The following MXRA5 variants were observed in gnomAD, a reference collection of about 807,000 sequenced individuals.
MXRA5 encodes matrix remodeling associated 5, also known as matrix-remodeling-associated protein 5.
A neutral mutation model predicts 112.5 loss-of-function variants in MXRA5; 41 were observed. The ratio of observed to expected loss-of-function variants is 0.36; its 90% confidence interval spans 0.28 to 0.47. The LOEUF is 0.47. Among genes scored for constraint, MXRA5 ranks in the 20% least tolerant of loss-of-function variants. The pLI is 0.99. For synonymous variants in MXRA5, 862 were observed against 900.8 expected (o/e 0.96, Z 0.77); for missense variants, 2,150 against 2,251.0 (o/e 0.96, Z 0.91).
chrX:3,339,675 C>T (rs545423735), intron 2 of MXRA5, among the ~76,000 whole-genome samples: 2 of 111,611 alleles, frequency 1.8e-5, no homozygotes, highest in East Asian at 5.7e-4. Flanking sequence ...CCCAGGGAAT[C>T]ACTTGAGTAC....
At chrX:3,341,773 C>G (rs1021217445) in intron 2 of MXRA5, among the ~76,000 whole-genome samples, 13 of 97,625 alleles carry the variant, frequency 1.3e-4, no homozygotes, top group African/African-American at 4.4e-4. Context: ...GATGGTACCC[C>G]CAGCATGGGA....
At chrX:3,314,298 A>G (rs1406078871) in intron 6 of MXRA5, among the ~76,000 whole-genome samples, 2 of 112,298 alleles carry the variant, frequency 1.8e-5, no homozygotes, top group Non-Finnish European at 3.8e-5. Context: ...TGATGGGGCC[A>G]TCCTGTGAAC....
rs768590375 is a variant in MXRA5, at chrX:3,321,244, G to A, written c.4441C>T (p.His1481Tyr). The change falls in exon 5 of 7, where the codon CAC becomes TAC. Residue 1481 changes from histidine to tyrosine, a missense_variant. By Grantham distance (83) the His-to-Tyr change is moderately conservative (BLOSUM62 2). Around this residue, in one of 6 missense-constraint regions of MXRA5, gnomAD observed 1,485 missense variants for 1,471.6 expected, o/e 1.01. Transcript: ENST00000217939. ...ILLSETRPQN[H>Y]TPTAARMKEP... is the part of the protein sequence containing the mutation. ...TTCATCCGGGCAGCAGTAGGGGTGT[G>A]ATTCTGTGGTCTAGTTTCAGAAAGG... 7.4e-6 allele frequency: 9 copies of A among 1,209,659 alleles called. No homozygotes were observed. The highest frequency in any genetic ancestry group is 2.3e-4 in the Middle Eastern group (1 of 4,365).
In MXRA5 at chrX:3,321,415, A is replaced by G; in HGVS notation, c.4270T>C (p.Ser1424Pro). The G allele has an allele frequency of 5.0e-6, 6 of 1,211,620 alleles. No individual in the cohort carries two copies. The highest frequency in any genetic ancestry group is 6.7e-6 in the Non-Finnish European group (6 of 895,465). ...AATGGTGTGGAGACTGTCAAAGAGG[A>G]CAAAAACTCGGAAGTGAAATCCACA... ...EDVDFTSEFL[S>P]SLTVSTPFHQ... Residue 1424 changes from serine to proline, a missense_variant, in exon 5 of 7, where the codon TCC (serine) becomes CCC (proline). By Grantham distance (74) the Ser-to-Pro change is moderately conservative. Transcript: ENST00000217939.
intron 2 of MXRA5, among the ~76,000 whole-genome samples, chrX:3,335,767 C>G (rs759764861): frequency 2.7e-5 from 3 of 112,504 alleles, no homozygotes; most frequent in Non-Finnish European, 3.8e-5. Context: ...CTCATTCACT[C>G]TTTAAATTGA....
At chrX:3,344,247 T>G (rs1316507085) in intron 1 of MXRA5, among the ~76,000 whole-genome samples, 1 of 111,491 alleles carries the variant, frequency 9.0e-6, no homozygotes, top group Non-Finnish European at 1.9e-5. Flanking sequence ...TGTTTCTGCC[T>G]CCAACAAGAC....
At position 3,317,761 on chromosome X, in the gene MXRA5, C is replaced by T; in HGVS notation, c.5920G>A (p.Ala1974Thr). ...ATTTGGGGGGCTGGGGTCCCTTTGGCCAGACACTCCATTGCAATGGTGTCT... is the reference window on the plus strand; with the variant it reads ...ATTTGGGGGGCTGGGGTCCCTTTGGTCAGACACTCCATTGCAATGGTGTCT... ...LGDTIAMECL[A>T]KGTPAPQISW... The change falls in exon 6 of 7, where the codon GCC becomes ACC. Residue 1974 changes from alanine to threonine, a missense_variant. Physicochemically the swap from Ala to Thr is moderately conservative, Grantham distance 58. Transcript: ENST00000217939. The T allele has an allele frequency of 8.3e-7, 1 of 1,208,826 alleles. No homozygotes were observed. Among genetic ancestry groups the T allele is most frequent in the East Asian group, 3.0e-5 (1 of 33,753 alleles).
chrX:3,330,236 T>G lies in MXRA5; in HGVS notation c.491A>C (p.His164Pro). Residue 164 changes from histidine to proline, a missense_variant, in exon 4 of 7, where the codon CAC (histidine) becomes CCC (proline). By Grantham distance (77) the His-to-Pro change is moderately conservative. Transcript: ENST00000217939. ...RLLHLEGNLL[H>P]QLHPSTFSTF... Reference sequence around the variant, plus strand: ...GGAGAAGGTGCTGGGGTGCAGCTGGTGGAGGAGATTTCCTTCCAAATGGAG... The same window carrying G: ...GGAGAAGGTGCTGGGGTGCAGCTGGGGGAGGAGATTTCCTTCCAAATGGAG... 1 of 1,211,115 alleles carries G rather than the reference T, an allele frequency of 8.3e-7. No individual in the cohort carries two copies. The highest frequency in any genetic ancestry group is 1.1e-6 in the Non-Finnish European group (1 of 895,321).
chrX:3,330,385 C>A lies in MXRA5; in HGVS notation c.342G>T (p.Lys114Asn), dbSNP rs373538998. 1 of 1,196,651 alleles carries A rather than the reference C, an allele frequency of 8.4e-7. No individual in the cohort carries two copies. Among genetic ancestry groups the A allele is most frequent in the Non-Finnish European group, 1.1e-6 (1 of 888,471 alleles). Residue 114 changes from lysine (K) to asparagine (N), a missense_variant, in exon 4 of 7, where the codon AAG (lysine) becomes AAT (asparagine). Physicochemically the swap from Lys to Asn is moderately conservative, Grantham distance 94 (BLOSUM62 0). Transcript: ENST00000217939. ...GGGTCTGTCCTGTGATCACTCTCAG[C>A]TTGTTGTAGCTGAACTTGAAAACCT... ...SLQVFKFSYN[K>N]LRVITGQTLQ...
At chrX:3,332,247 C>T (rs1370914045) in intron 2 of MXRA5, among the ~76,000 whole-genome samples, 4 of 110,595 alleles carry the variant, frequency 3.6e-5, no homozygotes, top group Non-Finnish European at 7.6e-5. Context: ...TTGCATTCTT[C>T]TTCTTTTTTT....
chrX:3,326,772 T>G (rs980402165), intron 4 of MXRA5, among the ~76,000 whole-genome samples: 17 of 110,311 alleles, frequency 1.5e-4, no homozygotes, highest in Non-Finnish European at 2.8e-4. Context: ...GACTGGGTCC[T>G]CCTTGACTTG....
At chrX:3,345,467 C>T (rs1203292102) in intron 1 of MXRA5, among the ~76,000 whole-genome samples, 1 of 113,016 alleles carries the variant, frequency 8.8e-6, no homozygotes, top group Non-Finnish European at 1.9e-5. Context: ...CGCGCCAGTC[C>T]CCAGCGTCCT....
At chrX:3,338,779 A>T (rs1202641238) in intron 2 of MXRA5, among the ~76,000 whole-genome samples, 1 of 110,603 alleles carries the variant, frequency 9.0e-6, no homozygotes, top group Non-Finnish European at 1.9e-5. Context: ...CTGATTGATG[A>T]TGATAGGTAG....
Position 3,322,521 on chromosome X carries a change from A to G in MXRA5, c.3164T>C (p.Leu1055Pro). 8.3e-7 allele frequency: 1 copy of G among 1,211,026 alleles called. No homozygotes were observed. Among genetic ancestry groups the G allele is most frequent in the South Asian group, 1.8e-5 (1 of 56,928 alleles). Residue 1055 changes from leucine to proline, a missense_variant, in exon 5 of 7, where the codon CTG becomes CCG. This residue lies in a region of MXRA5 where 1,485 missense variants were observed against 1,471.6 expected (regional missense o/e 1.01). Transcript: ENST00000217939. ...KSSLSTQDTL[L>P]IKKGMKEMSQ... ...CATCTCTTTCATACCCTTTTTAATC[A>G]GTAAGGTGTCTTGAGTGCTTAGACT...
Position 3,323,023 on chromosome X carries a change from C to T in MXRA5, c.2662G>A (p.Val888Ile), listed in dbSNP as rs1472180968. ...EVTSTPLEEV[V>I]DDLSEKTEEI... ...TCAGTCTTCTCGGAAAGGTCATCAA[C>T]AACTTCCTCCAGAGGTGTGCTTGTT... is the stretch of plus-strand genomic sequence containing the variant. The change falls in exon 5 of 7, where the codon GTT (valine) becomes ATT (isoleucine). Residue 888 changes from valine (V) to isoleucine (I), a missense_variant. Coordinates refer to ENST00000217939, the MANE Select transcript of MXRA5 (RefSeq NM_015419.4). 9.1e-6 allele frequency: 11 copies of T among 1,209,827 alleles called. No individual in the cohort carries two copies. Among genetic ancestry groups the T allele is most frequent in the Non-Finnish European group, 1.1e-5 (10 of 895,223 alleles).
intron 4 of MXRA5, among the ~76,000 whole-genome samples, chrX:3,329,636 G>T (rs774440497): frequency 1.1e-4 from 12 of 111,510 alleles, no homozygotes; most frequent in African/African-American, 3.6e-4. Flanking sequence ...TCTTTTCCAA[G>T]CATCCTTTGT....
In MXRA5 at chrX:3,311,597, G is replaced by T. The variant is rs1920991761; in HGVS notation, c.6606C>A (p.Ala2202=). The change falls in exon 7 of 7, where the codon GCC becomes GCA. Residue 2202 remains alanine, a synonymous_variant. Coordinates refer to ENST00000217939, the MANE Select transcript of MXRA5 (RefSeq NM_015419.4). The part of the protein sequence containing the change: ...FSFDSRIKVF[A]NGTLVVKSVT... ...CTGATTTCACCACCAGGGTCCCATT[G>T]GCAAACACCTTGATTCTGCTATCAA... 8.3e-7 allele frequency: 1 copy of T among 1,208,770 alleles called. No homozygotes were observed. The highest frequency in any genetic ancestry group is 1.7e-5 in the African/African-American group (1 of 57,311).
At chrX:3,344,469 A>C (rs1321487597) in intron 1 of MXRA5, among the ~76,000 whole-genome samples, 2 of 111,490 alleles carry the variant, frequency 1.8e-5, no homozygotes, top group African/African-American at 6.5e-5. Context: ...AGTTTTTTTG[A>C]TGATATAGAG....
chrX:3,339,562 G>T (rs113105196), intron 2 of MXRA5, among the ~76,000 whole-genome samples: 1 of 111,133 alleles, frequency 9.0e-6, no homozygotes, highest in Non-Finnish European at 1.9e-5. Context: ...CACCGTGCCC[G>T]GACCCCCCTG....
Sources: allele counts gnomAD v4.1 joint callset (sites outside exome capture counted in the v4.1 genomes callset), GRCh38; gene constraint gnomAD v4.1.1; regional missense constraint gnomAD v4.1.1; transcripts MANE v1.5; gene names NCBI Gene and HGNC (gene_info 2026-07-23, HGNC 2026-07-21).